Variants in HSD17B12 observed in about 807,000 individuals in gnomAD.
HSD17B12 encodes very-long-chain 3-oxoacyl-CoA reductase.
In HSD17B12, 32 loss-of-function variants were observed where a neutral mutation model predicts 39.3. The ratio of observed to expected loss-of-function variants is 0.81; its 90% CI spans 0.61 to 1.09. The LOEUF (loss-of-function observed/expected upper bound fraction) is 1.09, where lower values mean the gene tolerates loss of function less well. HSD17B12 is among the 50% of genes least tolerant of loss of function. The pLI is 0.00. For missense variants in HSD17B12, 342 were observed against 382.9 expected (o/e 0.89, Z 0.89); for synonymous variants, 150 against 146.7 (o/e 1.02, Z -0.16).
Position 43,855,128 on chromosome 11 carries a change from C to A in HSD17B12, c.835-16C>A. The stretch of plus-strand genomic sequence containing the variant: ...GTAGGCTATAATTACATATCTCTCT[C>A]ATTCTGTTTCCCTAGGGCTCGATAA... On this transcript the variant is annotated splice_polypyrimidine_tract_variant and intron_variant, in intron 10 of 10. Transcript: ENST00000278353. 1 of 1,511,226 alleles carries A rather than the reference C, an allele frequency of 6.6e-7. No homozygotes were observed. Among genetic ancestry groups the A allele is most frequent in the South Asian group, 1.2e-5 (1 of 85,744 alleles). The allele number at this position is 1,511,226 out of a possible 1,614,324, so 93.6% of individuals were successfully genotyped here.
At chr11:43,628,305 A>C in the HSD17B12 span, among the ~76,000 whole-genome samples, 1 of 152,086 alleles carries the variant, frequency 6.6e-6, no homozygotes, top group South Asian at 2.1e-4. Flanking sequence ...AGAATCTTTT[A>C]AAGCATTTTT....
At chr11:43,575,951 G>GGTATGGAT in the HSD17B12 span, among the ~76,000 whole-genome samples, 2 of 152,196 alleles carry the variant, frequency 1.3e-5, no homozygotes, top group African/African-American at 4.8e-5. This position sits in a 1 kb window ranked among gnomAD's most constrained non-coding sequence, Gnocchi z 4.1. Flanking sequence ...ACGTGGGAAG[G>GGTATGGAT]GTATGGATGA....
At chr11:43,571,145 T>C in the HSD17B12 span, among the ~76,000 whole-genome samples, 18,461 of 152,244 alleles carry the variant, frequency 0.12, 1,488 homozygotes, top group East Asian at 0.46. Flanking sequence ...AAAGTTCTGC[T>C]AATTCAGACC....
the HSD17B12 span, among the ~76,000 whole-genome samples, chr11:43,594,281 A>G: frequency 6.6e-6 from 1 of 152,116 alleles, no homozygotes; most frequent in Non-Finnish European, 1.5e-5. Flanking sequence ...AAATTATAGC[A>G]ATTTCTGCAA....
At position 43,798,383 on chromosome 11, in the gene HSD17B12, A is replaced by G. The variant is rs766296152; in HGVS notation, c.347A>G (p.Asp116Gly). Residue 116 changes from aspartate (D) to glycine (G), a missense_variant, in exon 4 of 11, where the codon GAT becomes GGT. Physicochemically the swap from Asp to Gly is moderately conservative, Grantham distance 94. Coordinates refer to ENST00000278353, the MANE Select transcript of HSD17B12 (RefSeq NM_016142.3). ...AVDFASEDIY[D>G]KIKTGLAGLE... The stretch of plus-strand genomic sequence containing the variant: ...GACTTTGCATCAGAAGATATTTATG[A>G]TAAAATTAAAACAGGCTTGGCTGGT... 6.2e-7 allele frequency: 1 copy of G among 1,612,610 alleles called. No homozygotes were observed. Among genetic ancestry groups the G allele is most frequent in the Non-Finnish European group, 8.5e-7 (1 of 1,179,056 alleles).
At chr11:43,621,803 A>C in the HSD17B12 span, among the ~76,000 whole-genome samples, 737 of 152,370 alleles carry the variant, frequency 4.8e-3, 8 homozygotes, top group African/African-American at 0.017. Flanking sequence ...GGCCTGAAAG[A>C]TATCTTTTTT....
chr11:43,625,335 T>A, the HSD17B12 span, among the ~76,000 whole-genome samples: 25 of 151,700 alleles, frequency 1.6e-4, no homozygotes, highest in South Asian at 5.2e-3. Context: ...GGTAACATAC[T>A]GGTCATAATC....
At chr11:43,723,598 C>T (rs764782537) in intron 1 of HSD17B12, among the ~76,000 whole-genome samples, 6 of 152,132 alleles carry the variant, frequency 3.9e-5, no homozygotes, top group Admixed American at 2.0e-4. Context: ...AAATGAAAAT[C>T]ATTACACTTA....
intron 9 of HSD17B12, among the ~76,000 whole-genome samples, chr11:43,842,013 G>T (rs1303139197): frequency 6.6e-6 from 1 of 152,144 alleles, no homozygotes; most frequent in Non-Finnish European, 1.5e-5. Flanking sequence ...GGCTTAGAGA[G>T]GGTAAGCCAC....
At position 43,768,582 on chromosome 11, in the gene HSD17B12, G is replaced by A. The variant is rs367755662; in HGVS notation, c.283+14461G>A. Among the ~76,000 whole-genome samples, 159 of 152,164 alleles carry A rather than the reference G, an allele frequency of 1.0e-3. 2 individuals are homozygous for A. In the South Asian group the frequency reaches 0.032, roughly 30 times the overall value. ...TGTCCAGAGTTTGTTCCTCCAGATG[G>A]GTCCAGAATTTATTCCTTCTGGTGG... is the stretch of plus-strand genomic sequence containing the variant. On this transcript the variant is annotated intron_variant, in intron 3 of 10. Transcript: ENST00000278353.
intron 1 of HSD17B12, among the ~76,000 whole-genome samples, chr11:43,698,214 G>A (rs1455916614): frequency 6.6e-6 from 1 of 152,150 alleles, no homozygotes; most frequent in Non-Finnish European, 1.5e-5. Flanking sequence ...TGAGCTCTGG[G>A]CACTGACATA....
chr11:43,580,721 C>CT, the HSD17B12 span, among the ~76,000 whole-genome samples: 9 of 151,938 alleles, frequency 5.9e-5, no homozygotes, highest in East Asian at 5.8e-4. Flanking sequence ...TCCTGAACCG[C>CT]TTTTTTTGGC....
intron 4 of HSD17B12, among the ~76,000 whole-genome samples, chr11:43,800,601 A>C (rs1362282670): frequency 6.6e-6 from 1 of 152,210 alleles, no homozygotes; most frequent in African/African-American, 2.4e-5. Context: ...AAGGATAAGC[A>C]TACAGGACAC....
At chr11:43,764,117 T>A (rs538307085) in intron 3 of HSD17B12, among the ~76,000 whole-genome samples, 1 of 152,298 alleles carries the variant, frequency 6.6e-6, no homozygotes, top group South Asian at 2.1e-4. Context: ...AAACCAGTTT[T>A]AATTTGGTTA....
intron 3 of HSD17B12, among the ~76,000 whole-genome samples, chr11:43,796,830 C>T: frequency 8.3e-6 from 1 of 120,874 alleles, no homozygotes. Flanking sequence ...TATTTTTAAG[C>T]TTTTGTTTTG....
intron 3 of HSD17B12, among the ~76,000 whole-genome samples, chr11:43,761,124 C>T (rs1416979544): frequency 1.3e-5 from 2 of 152,208 alleles, no homozygotes; most frequent in African/African-American, 4.8e-5. Context: ...ATTGTTTCCA[C>T]ATAAGAGAAT....
chr11:43,595,196 G>C, the HSD17B12 span, among the ~76,000 whole-genome samples: 6 of 152,198 alleles, frequency 3.9e-5, no homozygotes, highest in Non-Finnish European at 7.3e-5. Flanking sequence ...TCTGAGGTAG[G>C]CTCCGCCGAC....
intron 4 of HSD17B12, among the ~76,000 whole-genome samples, chr11:43,812,378 A>T (rs1951081354): frequency 6.6e-6 from 1 of 152,180 alleles, no homozygotes; most frequent in African/African-American, 2.4e-5. Flanking sequence ...CCTTGCCAGC[A>T]TCTGTTATTT....
At chr11:43,608,283 G>A in the HSD17B12 span, among the ~76,000 whole-genome samples, 1 of 151,460 alleles carries the variant, frequency 6.6e-6, no homozygotes, top group Admixed American at 6.6e-5. Context: ...GATCACTTGA[G>A]CTTAGGAGGT....
Sources: gnomAD v4.1 joint callset for allele counts (sites outside exome capture counted in the v4.1 genomes callset) on GRCh38, gnomAD v4.1.1 for gene constraint, Gnocchi (gnomAD v3.1) non-coding constraint, MANE v1.5 for transcripts, NCBI Gene and HGNC (gene_info 2026-07-23, HGNC 2026-07-21) for gene names.